Variants in ZNF804B observed in about 807,000 individuals in gnomAD.
The protein encoded by ZNF804B is zinc finger 804B.
A neutral mutation model predicts 101.4 loss-of-function variants in ZNF804B; 80 were observed. That is an observed-to-expected ratio of 0.79 (90% CI 0.66 to 0.95). ZNF804B has a LOEUF of 0.95. Among genes scored for constraint, ZNF804B ranks in the 40% least tolerant of loss-of-function variants. The pLI, the probability that ZNF804B is intolerant of heterozygous loss-of-function variation, is 0.00. For synonymous variants in ZNF804B, 622 were observed against 558.8 expected, an observed-to-expected ratio of 1.11 and a Z score of -1.59; for missense variants, 1,673 against 1,561.9, an observed-to-expected ratio of 1.07 and a Z score of -1.20.
intron 1 of ZNF804B, among the ~76,000 whole-genome samples, chr7:89,197,711 C>T (rs187683380): frequency 7.6e-4 from 116 of 151,862 alleles, no homozygotes; most frequent in Admixed American, 6.4e-3. Context: ...CTTAACAGCA[C>T]GCTTAGATTC....
chr7:88,809,047 T>C (rs1340161770), intron 1 of ZNF804B, among the ~76,000 whole-genome samples: 1 of 152,196 alleles, frequency 6.6e-6, no homozygotes, highest in Non-Finnish European at 1.5e-5. Flanking sequence ...TTGTAATTTA[T>C]AGTAGAAGTA....
At chr7:89,280,629 C>G (rs1291554064) in intron 2 of ZNF804B, among the ~76,000 whole-genome samples, 2 of 152,218 alleles carry the variant, frequency 1.3e-5, no homozygotes, top group East Asian at 3.8e-4. Flanking sequence ...ACAAACACCT[C>G]TATGCAAATA....
chr7:89,070,475 G>A (rs761066942), intron 1 of ZNF804B, among the ~76,000 whole-genome samples: 4 of 152,116 alleles, frequency 2.6e-5, no homozygotes, highest in Admixed American at 6.6e-5. Context: ...GCAGAGATGA[G>A]GTGAGTGTTA....
chr7:89,331,328 A>G (rs1241041882), intron 3 of ZNF804B, among the ~76,000 whole-genome samples: 4 of 151,754 alleles, frequency 2.6e-5, no homozygotes, highest in Non-Finnish European at 5.9e-5. Flanking sequence ...TAATGTTGTA[A>G]TAAAGTCTCT....
intron 2 of ZNF804B, among the ~76,000 whole-genome samples, chr7:89,296,086 A>G (rs1405108132): frequency 6.6e-6 from 1 of 152,146 alleles, no homozygotes; most frequent in Non-Finnish European, 1.5e-5. Context: ...AAAATGTCAG[A>G]ATTCATCACT....
At chr7:88,961,814 G>T (rs1047340001) in intron 1 of ZNF804B, among the ~76,000 whole-genome samples, 1 of 151,304 alleles carries the variant, frequency 6.6e-6, no homozygotes, top group Non-Finnish European at 1.5e-5. Flanking sequence ...AAAGGGAAAG[G>T]CATTTTAAAT....
In ZNF804B at chr7:89,334,823, G is replaced by A. The variant is rs772613804; in HGVS notation, c.1841G>A (p.Arg614Lys). 3 of 1,613,860 alleles carry A rather than the reference G, an allele frequency of 1.9e-6. No homozygotes were observed. The highest frequency in any genetic ancestry group is 2.5e-6 in the Non-Finnish European group (3 of 1,179,872). ...TCAAGGGCCCATTGGCAAGGCTGCAGAAAGGCAGTTCTAAATGATATAGAT... is the reference window on the plus strand; with the variant it reads ...TCAAGGGCCCATTGGCAAGGCTGCAAAAAGGCAGTTCTAAATGATATAGAT... ...EASRAHWQGC[R>K]KAVLNDIDED... is the part of the protein sequence containing the mutation. Residue 614 changes from arginine (R) to lysine (K), a missense_variant, in exon 4 of 4, where the codon AGA becomes AAA. Coordinates refer to ENST00000333190, the MANE Select transcript of ZNF804B (RefSeq NM_181646.5).
At chr7:88,843,539 C>T (rs1225834544) in intron 1 of ZNF804B, among the ~76,000 whole-genome samples, 2 of 152,040 alleles carry the variant, frequency 1.3e-5, no homozygotes, top group African/African-American at 4.8e-5. Flanking sequence ...AGATCGAGCC[C>T]ATCCTGGCTA....
intron 1 of ZNF804B, among the ~76,000 whole-genome samples, chr7:88,865,628 A>G (rs1791715045): frequency 6.6e-6 from 1 of 152,092 alleles, no homozygotes; most frequent in Non-Finnish European, 1.5e-5. Flanking sequence ...ATTTCCTCTT[A>G]GTTCCCTCTC....
At chr7:88,766,153 G>T (rs1789980304) in intron 1 of ZNF804B, among the ~76,000 whole-genome samples, 1 of 151,844 alleles carries the variant, frequency 6.6e-6, no homozygotes, top group Admixed American at 6.6e-5. Flanking sequence ...TTCTATAAAA[G>T]AAAAAAATCA....
Position 89,333,632 on chromosome 7 carries a change from C to G in ZNF804B, c.650C>G (p.Thr217Arg), listed in dbSNP as rs915298289. 1 of 1,613,578 alleles carries G rather than the reference C, an allele frequency of 6.2e-7. No individual in the cohort carries two copies. The highest frequency in any genetic ancestry group is 8.5e-7 in the Non-Finnish European group (1 of 1,179,716). Residue 217 changes from threonine to arginine, a missense_variant, in exon 4 of 4, where the codon ACA (threonine) becomes AGA (arginine). Transcript: ENST00000333190. ...GATCTCAGCAATGCAAATCACAGAACAGGAGTATCATTTACTTTTTCCAAA... is the reference window on the plus strand; with the variant it reads ...GATCTCAGCAATGCAAATCACAGAAGAGGAGTATCATTTACTTTTTCCAAA... ...SSDLSNANHR[T>R]GVSFTFSKKV...
At chr7:88,825,618 C>T (rs1021336420) in intron 1 of ZNF804B, among the ~76,000 whole-genome samples, 3 of 152,142 alleles carry the variant, frequency 2.0e-5, no homozygotes, top group African/African-American at 7.2e-5. Context: ...CACTGTGTCC[C>T]TGGCTAATAC....
intron 1 of ZNF804B, among the ~76,000 whole-genome samples, chr7:89,141,075 G>C (rs1790709569): frequency 6.6e-6 from 1 of 151,994 alleles, no homozygotes; most frequent in Non-Finnish European, 1.5e-5. Context: ...GAGAGGAGGG[G>C]AGATGGGGAA....
chr7:89,333,934 A>G lies in ZNF804B; in HGVS notation c.952A>G (p.Ile318Val), dbSNP rs760306734. Reference protein sequence around the residue: ...DSIDETLEDSIGIHASFSKSN... With the variant: ...DSIDETLEDSVGIHASFSKSN... Reference sequence around the variant, plus strand: ...TATTGATGAGACACTAGAAGATTCAATTGGCATTCATGCTTCATTCTCTAA... The same window carrying G: ...TATTGATGAGACACTAGAAGATTCAGTTGGCATTCATGCTTCATTCTCTAA... Residue 318 changes from isoleucine to valine, a missense_variant, in exon 4 of 4, where the codon ATT (isoleucine) becomes GTT (valine). Ile to Val is a conservative substitution (Grantham distance 29). Transcript: ENST00000333190. 1.1e-5 allele frequency: 18 copies of G among 1,613,488 alleles called. No individual in the cohort carries two copies. Among genetic ancestry groups the G allele is most frequent in the Non-Finnish European group, 1.4e-5 (16 of 1,179,774 alleles).
At chr7:88,860,795 T>C (rs926557940) in intron 1 of ZNF804B, among the ~76,000 whole-genome samples, 2 of 152,216 alleles carry the variant, frequency 1.3e-5, no homozygotes, top group Non-Finnish European at 2.9e-5. Flanking sequence ...AATTAATTTG[T>C]TTAAAGCAGT....
intron 2 of ZNF804B, among the ~76,000 whole-genome samples, chr7:89,309,077 A>G (rs925467347): frequency 6.6e-6 from 1 of 152,188 alleles, no homozygotes; most frequent in African/African-American, 2.4e-5. Context: ...GTTTCTAATG[A>G]TCCCATCATC....
chr7:88,886,572 T>C (rs1343252955), intron 1 of ZNF804B, among the ~76,000 whole-genome samples: 1 of 152,094 alleles, frequency 6.6e-6, no homozygotes, highest in African/African-American at 2.4e-5. Context: ...TGAGTGCTAA[T>C]ATAACTAATA....
At chr7:88,845,299 G>GCACACACACACACACACACA (rs369657042) in intron 1 of ZNF804B, among the ~76,000 whole-genome samples, 3 of 138,504 alleles carry the variant, frequency 2.2e-5, no homozygotes, top group Non-Finnish European at 3.2e-5. Flanking sequence ...GCGCACGCGC[G>GCACACACACACACACACACA]CGCACACACA....
At position 89,334,532 on chromosome 7, in the gene ZNF804B, C is replaced by A. The variant is rs760271876; in HGVS notation, c.1550C>A (p.Ser517Ter). The A allele has an allele frequency of 1.2e-5, 20 of 1,613,474 alleles. No homozygotes were observed. The Admixed American group carries it at 2.7e-4, about 22-fold the overall frequency. The part of the protein sequence containing the change: ...ELKTKRESQV[S>*]GLTEDQQKLI... ...AAGACTAAAAGAGAGAGCCAAGTCT[C>A]AGGTTTAACTGAAGACCAACAAAAA... Residue 517 changes from serine to a stop codon, truncating the protein, a stop_gained, in exon 4 of 4, where the codon TCA (serine) becomes TAA (stop). Coordinates refer to ENST00000333190, the MANE Select transcript of ZNF804B (RefSeq NM_181646.5). LOFTEE classifies it high-confidence loss of function.
Sources: allele counts gnomAD v4.1 joint callset (sites outside exome capture counted in the v4.1 genomes callset), GRCh38; gene constraint gnomAD v4.1.1; transcripts MANE v1.5; gene names NCBI Gene and HGNC (gene_info 2026-07-23, HGNC 2026-07-21).